The following TBL1X variants were observed in gnomAD, a reference collection of about 807,000 sequenced individuals.
The protein encoded by TBL1X is transducin beta like 1 X-linked.
In TBL1X, 10 loss-of-function variants were observed where a neutral mutation model predicts 50.7. The observed-to-expected ratio is 0.20, with a 90% confidence interval of 0.12 to 0.33. The LOEUF (loss-of-function observed/expected upper bound fraction) is 0.33. Ranked by LOEUF, TBL1X falls within the 10% of genes least tolerant of loss-of-function variation. The probability of loss-of-function intolerance (pLI) is 1.00; values close to 1 mark genes in which losing one functional copy is unlikely to be tolerated. For missense variants in TBL1X, 340 were observed against 504.4 expected (o/e 0.67, Z 3.12); for synonymous variants, 190 against 214.7 (o/e 0.88, Z 1.01).
At chrX:9,602,962 A>G (rs1477086755) in intron 2 of TBL1X, among the ~76,000 whole-genome samples, 1 of 112,659 alleles carries the variant, frequency 8.9e-6, no homozygotes, top group Non-Finnish European at 1.9e-5. Context: ...GAGAAGCCCC[A>G]GTGCATAAAT....
In TBL1X at chrX:9,489,406, G is replaced by A. The variant is rs559771155; in HGVS notation, c.-200-12374G>A. 8.9e-5 allele frequency among the ~76,000 whole-genome samples: 10 copies of A among 111,963 alleles called. No individual in the cohort carries two copies. In the South Asian group the frequency reaches 3.8e-3, roughly 42 times the overall value. On this transcript the variant is annotated intron_variant, in intron 1 of 17. Transcript: ENST00000645353. Reference sequence around the variant, plus strand: ...TCAAAAATAGTTTGGGAGTATACTGGTCAGCTTTCTGCCATGCTAATGTTG... The same window carrying A: ...TCAAAAATAGTTTGGGAGTATACTGATCAGCTTTCTGCCATGCTAATGTTG...
At chrX:9,659,637 G>A (rs1463059232) in intron 5 of TBL1X, among the ~76,000 whole-genome samples, 1 of 111,873 alleles carries the variant, frequency 8.9e-6, no homozygotes, top group East Asian at 2.8e-4. Flanking sequence ...CTTGGAGTGG[G>A]GTTGCTGGGT....
At chrX:9,665,538 T>TATATATATAA (rs2082925696) in intron 5 of TBL1X, among the ~76,000 whole-genome samples, 3 of 64,083 alleles carry the variant, frequency 4.7e-5, no homozygotes, top group Non-Finnish European at 5.7e-5. Context: ...TATATATATA[T>TATATATATAA]AAAAGGCCTT....
intron 5 of TBL1X, among the ~76,000 whole-genome samples, chrX:9,681,148 G>A (rs1007298826): frequency 8.9e-6 from 1 of 112,084 alleles, no homozygotes; most frequent in African/African-American, 3.2e-5. Context: ...CCCTCCGTGG[G>A]TTAGACTGAG....
chrX:9,716,290 C>T lies in TBL1X; in HGVS notation c.*44C>T. On this transcript the variant is annotated 3_prime_UTR_variant, in exon 18 of 18. Transcript: ENST00000645353. The stretch of plus-strand genomic sequence containing the variant: ...AAAAGAAAAGAATTCTAATGACCAG[C>T]CGTGAATGTGTAGGGTTGCAGCTCT... 1 of 1,174,546 alleles carries T rather than the reference C, an allele frequency of 8.5e-7. No homozygotes were observed.
intron 5 of TBL1X, among the ~76,000 whole-genome samples, chrX:9,663,212 A>G (rs1028310509): frequency 1.5e-4 from 17 of 111,778 alleles, no homozygotes; most frequent in Non-Finnish European, 2.8e-4. Flanking sequence ...TGGCACAGCT[A>G]GTATCATTTG....
intron 5 of TBL1X, among the ~76,000 whole-genome samples, chrX:9,655,164 G>A (rs1029428471): frequency 3.6e-5 from 4 of 111,041 alleles, no homozygotes; most frequent in East Asian, 5.7e-4. Context: ...AGGTGGATTC[G>A]TTTCCTAGGG....
intron 1 of TBL1X, among the ~76,000 whole-genome samples, chrX:9,497,939 C>T (rs991696995): frequency 3.1e-5 from 3 of 95,855 alleles, no homozygotes; most frequent in Non-Finnish European, 6.3e-5. Context: ...GCTAAGTTTC[C>T]CAGGCTGGTC....
intron 1 of TBL1X, among the ~76,000 whole-genome samples, chrX:9,485,666 C>T (rs1204357886): frequency 1.8e-5 from 2 of 111,660 alleles, no homozygotes; most frequent in African/African-American, 6.5e-5. Context: ...GTGCCAAGAG[C>T]TCTGAGGTGC....
chrX:9,608,031 AAACT>A (rs1201658601), intron 2 of TBL1X, among the ~76,000 whole-genome samples: 1 of 108,018 alleles, frequency 9.3e-6, no homozygotes, highest in Non-Finnish European at 1.9e-5. Flanking sequence ...AGCTGTTCTC[AAACT>A]AACTGATCCT....
chrX:9,641,044 A>G (rs914710364), intron 3 of TBL1X, among the ~76,000 whole-genome samples: 4 of 112,464 alleles, frequency 3.6e-5, no homozygotes, highest in Non-Finnish European at 5.6e-5. Context: ...ATCAATTACA[A>G]TTATGCAGAC....
chrX:9,565,271 C>CAAAAAAAAAAAAAAAAAAAAA, intron 2 of TBL1X, among the ~76,000 whole-genome samples: 1 of 37,394 alleles, frequency 2.7e-5, no homozygotes, highest in African/African-American at 1.1e-4. Context: ...GACTCCGTCT[C>CAAAAAAAAAAAAAAAAAAAAA]AAAAAAAAAA....
chrX:9,620,167 G>A (rs988542247), intron 2 of TBL1X, among the ~76,000 whole-genome samples: 1 of 112,085 alleles, frequency 8.9e-6, no homozygotes, highest in East Asian at 2.8e-4. Flanking sequence ...TCCACTTTAC[G>A]GTTGATGTTC....
chrX:9,514,133 A>AT (rs746764840), intron 2 of TBL1X, among the ~76,000 whole-genome samples: 1 of 111,602 alleles, frequency 9.0e-6, no homozygotes, highest in East Asian at 2.9e-4. Context: ...GATGCTGCTA[A>AT]GCATCCTACC....
At chrX:9,505,732 A>G (rs1235403561) in intron 2 of TBL1X, among the ~76,000 whole-genome samples, 2 of 112,439 alleles carry the variant, frequency 1.8e-5, no homozygotes, top group African/African-American at 6.5e-5. Context: ...AAAGGGAACA[A>G]TTCAACAAGA....
At chrX:9,533,955 A>G (rs752821903) in intron 2 of TBL1X, among the ~76,000 whole-genome samples, 1 of 111,425 alleles carries the variant, frequency 9.0e-6, no homozygotes, top group East Asian at 2.9e-4. Flanking sequence ...GGTGACAGTG[A>G]AGCACCGGCT....
At chrX:9,518,785 G>C (rs2082093180) in intron 2 of TBL1X, among the ~76,000 whole-genome samples, 1 of 110,833 alleles carries the variant, frequency 9.0e-6, no homozygotes, top group Admixed American at 9.5e-5. Flanking sequence ...ATTGGTGTTA[G>C]CTTCGGAGAG....
At chrX:9,712,718 A>G (rs2083255156) in intron 16 of TBL1X, among the ~76,000 whole-genome samples, 1 of 112,031 alleles carries the variant, frequency 8.9e-6, no homozygotes, top group Admixed American at 9.5e-5. Flanking sequence ...AGGGATTGAA[A>G]GGACATAGGA....
intron 5 of TBL1X, among the ~76,000 whole-genome samples, chrX:9,676,062 G>GAA (rs1385788531): frequency 8.9e-6 from 1 of 112,096 alleles, no homozygotes; most frequent in Non-Finnish European, 1.9e-5. Context: ...CTTGACTTTT[G>GAA]TTTGAGTGTG....
Sources: gnomAD v4.1 joint callset for allele counts (sites outside exome capture counted in the v4.1 genomes callset) on GRCh38, gnomAD v4.1.1 for gene constraint, MANE v1.5 for transcripts, NCBI Gene and HGNC (gene_info 2026-07-23, HGNC 2026-07-21) for gene names.